The following CCDC50 variants were observed in gnomAD, a reference collection of about 807,000 sequenced individuals.
The protein encoded by CCDC50 is coiled-coil domain containing 50, also known as coiled-coil domain-containing protein 50.
In CCDC50, 54 loss-of-function variants were observed where a neutral mutation model predicts 70.2. That is an observed-to-expected ratio of 0.77 (90% CI 0.62 to 0.96). The LOEUF is 0.96. Among genes scored for constraint, CCDC50 ranks in the 50% least tolerant of loss-of-function variants. CCDC50 has a pLI of 0.00. For missense variants in CCDC50, 558 were observed against 578.7 expected (o/e 0.96, Z 0.37); for synonymous variants, 216 against 198.8 (o/e 1.09, Z -0.73).
At chr3:191,386,656 A>G (rs1266953060) in intron 10 of CCDC50, among the ~76,000 whole-genome samples, 1 of 152,216 alleles carries the variant, frequency 6.6e-6, no homozygotes, top group Non-Finnish European at 1.5e-5. Flanking sequence ...ATCCATGTAC[A>G]AAAATCAGTA....
Position 191,375,440 on chromosome 3 carries a change from C to A in CCDC50, c.827C>A (p.Ser276Ter). 6.2e-7 allele frequency: 1 copy of A among 1,613,806 alleles called. No individual in the cohort carries two copies. Among genetic ancestry groups the A allele is most frequent in the Non-Finnish European group, 8.5e-7 (1 of 1,179,856 alleles). ...EKQSRHQDRL[S>*]PKSSQKAGLH... The stretch of plus-strand genomic sequence containing the variant: ...CAGTCTCGACACCAAGATCGACTTT[C>A]ACCCAAGTCCTCACAAAAAGCAGGG... The change falls in exon 6 of 12, where the codon TCA (serine) becomes TAA (stop). Residue 276 changes from serine (S) to a stop codon, truncating the protein, a stop_gained. Coordinates refer to ENST00000392455, the MANE Select transcript of CCDC50 (RefSeq NM_178335.3). LOFTEE classifies it high-confidence loss of function.
In CCDC50 at chr3:191,329,741, A is replaced by C. The variant is rs1387856268; in HGVS notation, c.49+18A>C. ...CAAGGAAGGTAAGGGCCCCGGAGGG[A>C]GAGCGCGCGGGACCCTCCCCTCTCC... On this transcript the variant is annotated intron_variant, in intron 1 of 11. Transcript: ENST00000392455. The C allele has an allele frequency of 6.2e-7, 1 of 1,606,086 alleles. No homozygotes were observed. Among genetic ancestry groups the C allele is most frequent in the Non-Finnish European group, 8.5e-7 (1 of 1,177,100 alleles).
chr3:191,379,913 G>C (rs1383321770), intron 6 of CCDC50, among the ~76,000 whole-genome samples: 1 of 151,996 alleles, frequency 6.6e-6, no homozygotes, highest in Non-Finnish European at 1.5e-5. Context: ...GAAACTATGT[G>C]AGAGGGGACT....
chr3:191,349,086 G>A (rs1712019656), intron 1 of CCDC50, among the ~76,000 whole-genome samples: 2 of 141,430 alleles, frequency 1.4e-5, no homozygotes, highest in South Asian at 2.2e-4. Flanking sequence ...CCCTGCTGAT[G>A]GGGGTGGAGG....
chr3:191,335,868 G>A (rs1448357369), intron 1 of CCDC50, among the ~76,000 whole-genome samples: 1 of 151,576 alleles, frequency 6.6e-6, no homozygotes, highest in Non-Finnish European at 1.5e-5. Context: ...GTGTAGTCTT[G>A]GAACCACCAC....
At position 191,363,490 on chromosome 3, in the gene CCDC50, A is replaced by G. The variant is rs139566062; in HGVS notation, c.330+2331A>G. Among the ~76,000 whole-genome samples, 353 of 152,360 alleles carry G rather than the reference A, an allele frequency of 2.3e-3. 1 individual carries two copies. Among genetic ancestry groups the G allele is most frequent in the Admixed American group, 0.021 (329 of 15,308 alleles). ...ATGGGTTGAGTCATAGTAGTTGTGC[A>G]TACCCTAAAGGGCTGTTGTGAGGTA... is the stretch of plus-strand genomic sequence containing the variant. On this transcript the variant is annotated intron_variant, in intron 4 of 11. Transcript: ENST00000392455.
intron 6 of CCDC50, 53 bp from the exon 7 acceptor site, chr3:191,380,106 C>A: frequency 8.7e-7 from 1 of 1,151,176 alleles, no homozygotes. Context: ...CTTAACTTTT[C>A]AGAAAACATC....
Position 191,352,660 on chromosome 3 carries a change from A to G in CCDC50, c.50-4428A>G, listed in dbSNP as rs1408763112. ...ACTATAGTGTAAACATAACTTTTAT[A>G]TGTACTAGGAAACCAAAAAATCGTG... On this transcript the variant is annotated intron_variant, in intron 1 of 11. Coordinates refer to ENST00000392455, the MANE Select transcript of CCDC50 (RefSeq NM_178335.3). Among the ~76,000 whole-genome samples, 3 of 142,524 alleles carry G rather than the reference A, an allele frequency of 2.1e-5. 1 individual carries two copies. Among genetic ancestry groups the G allele is most frequent in the South Asian group, 4.4e-4 (2 of 4,568 alleles). The allele number at this position is 142,524 out of a possible 152,430, so 93.5% of individuals were successfully genotyped here.
chr3:191,332,613 G>C lies in CCDC50; in HGVS notation c.49+2890G>C, dbSNP rs193003703. On this transcript the variant is annotated intron_variant, in intron 1 of 11. Coordinates refer to ENST00000392455, the MANE Select transcript of CCDC50 (RefSeq NM_178335.3). ...TGCAAAATGCAATTTGCGAATGTTA[G>C]GGAAAGGAACAGGCATGTTTCAACA... is the stretch of plus-strand genomic sequence containing the variant. Among the ~76,000 whole-genome samples the C allele has an allele frequency of 2.5e-3, 387 of 152,308 alleles. 3 individuals carry two copies. Among genetic ancestry groups the C allele is most frequent in the Middle Eastern group, 0.01 (3 of 292 alleles).
At chr3:191,374,757 A>G (rs1454095431) in intron 5 of CCDC50, among the ~76,000 whole-genome samples, 2 of 152,188 alleles carry the variant, frequency 1.3e-5, no homozygotes, top group Non-Finnish European at 2.9e-5. Flanking sequence ...TTTAATGGCT[A>G]TAATTTTGTT....
Position 191,350,561 on chromosome 3 carries a change from G to A in CCDC50, c.50-6527G>A, listed in dbSNP as rs114106350. On this transcript the variant is annotated intron_variant, in intron 1 of 11. Coordinates refer to ENST00000392455, the MANE Select transcript of CCDC50 (RefSeq NM_178335.3). ...CTTAGGATGTAGGTAAAAGAACAAC[G>A]GAAAGGAAATGGCTTTTTTTTCACT... Among the ~76,000 whole-genome samples the A allele has an allele frequency of 7.0e-3, 998 of 141,974 alleles. 121 individuals are homozygous for A. Among genetic ancestry groups the A allele is most frequent in the African/African-American group, 0.023 (930 of 39,862 alleles). 93.1% of individuals were successfully genotyped at this position (141,974 alleles called of 152,430 possible). A position where few individuals can be genotyped will look rare whatever the true frequency, so the allele number is the denominator to read the frequency against.
chr3:191,390,945 T>G (rs956360229), intron 11 of CCDC50, among the ~76,000 whole-genome samples: 2 of 152,354 alleles, frequency 1.3e-5, no homozygotes, highest in East Asian at 1.9e-4. Context: ...CGTTCACTTA[T>G]GTACATTTTT....
chr3:191,370,119 T>C (rs568720275), intron 5 of CCDC50, 83 bp downstream of exon 5: 20 of 962,288 alleles, frequency 2.1e-5, no homozygotes, highest in Non-Finnish European at 3.4e-5. Context: ...AAAGTGACCT[T>C]AGGGACCTGG....
chr3:191,351,969 T>TA (rs35958803), intron 1 of CCDC50, among the ~76,000 whole-genome samples: 58,231 of 139,922 alleles, frequency 0.42, 18,311 homozygotes, highest in East Asian at 0.67. Context: ...AATTTTAACT[T>TA]ACCTTGAGAT....
At chr3:191,337,410 T>A (rs1370961743) in intron 1 of CCDC50, among the ~76,000 whole-genome samples, 1 of 152,190 alleles carries the variant, frequency 6.6e-6, no homozygotes, top group Admixed American at 6.5e-5. Context: ...CTCTTTTTTT[T>A]TTAAGACGGT....
chr3:191,361,114 G>T lies in CCDC50; in HGVS notation c.285G>T (p.Leu95=). 4.3e-6 allele frequency: 7 copies of T among 1,613,818 alleles called. No homozygotes were observed. The highest frequency in any genetic ancestry group is 5.9e-6 in the Non-Finnish European group (7 of 1,179,796). The part of the protein sequence containing the change: ...CEIAQEIQEK[L]AIEAERRRIQ... ...TTGCTCAGGAAATTCAGGAGAAGCTGGCTATTGAGGCAGAGAGACGACGCA... is the reference window on the plus strand; with the variant it reads ...TTGCTCAGGAAATTCAGGAGAAGCTTGCTATTGAGGCAGAGAGACGACGCA... Residue 95 remains leucine, a synonymous_variant, in exon 4 of 12, where the codon CTG becomes CTT. Transcript: ENST00000392455.
chr3:191,353,843 TC>T (rs879371403), intron 1 of CCDC50, among the ~76,000 whole-genome samples: 4 of 151,682 alleles, frequency 2.6e-5, no homozygotes, highest in Non-Finnish European at 5.9e-5. Flanking sequence ...TTCATGTACT[TC>T]CTCATAATCA....
At chr3:191,380,034 T>C (rs1360423384) in intron 6 of CCDC50, 125 bp from the exon 7 acceptor site, 7 of 676,428 alleles carry the variant, frequency 1.0e-5, no homozygotes, top group Non-Finnish European at 1.8e-5. Flanking sequence ...CACTGTATTC[T>C]GGAGTAGAGG....
chr3:191,361,456 C>T (rs770999803), intron 4 of CCDC50, among the ~76,000 whole-genome samples: 4 of 152,208 alleles, frequency 2.6e-5, no homozygotes, highest in Non-Finnish European at 2.9e-5. Flanking sequence ...TCTTAGAGTT[C>T]TGGAGGCTAG....
Sources: allele counts gnomAD v4.1 joint callset (sites outside exome capture counted in the v4.1 genomes callset), GRCh38; gene constraint gnomAD v4.1.1; transcripts MANE v1.5; gene names NCBI Gene and HGNC (gene_info 2026-07-23, HGNC 2026-07-21).